Variants in KIF2C observed in about 807,000 individuals in gnomAD.
KIF2C encodes kinesin-like protein KIF2C.
KIF2C carries 34 observed loss-of-function variants against 97.4 expected under a neutral mutation model. That is an observed-to-expected ratio of 0.35 (90% CI 0.27 to 0.46). KIF2C has a LOEUF of 0.46. Among genes scored for constraint, KIF2C ranks in the 20% least tolerant of loss-of-function variants. The pLI, the probability that KIF2C is intolerant of heterozygous loss-of-function variation, is 1.00. For missense variants in KIF2C, 750 were observed against 907.6 expected, an observed-to-expected ratio of 0.83 and a Z score of 2.23; for synonymous variants, 313 against 318.2, an observed-to-expected ratio of 0.98 and a Z score of 0.17.
At chr1:44,754,514 C>T (rs1649710864) in intron 7 of KIF2C, among the ~76,000 whole-genome samples, 1 of 152,158 alleles carries the variant, frequency 6.6e-6, no homozygotes, top group African/African-American at 2.4e-5. Context: ...TGCTGTGCCT[C>T]CTAAAATGTG....
chr1:44,745,660 G>A (rs2148822067), intron 2 of KIF2C, among the ~76,000 whole-genome samples: 1 of 151,214 alleles, frequency 6.6e-6, no homozygotes, highest in South Asian at 2.1e-4. Flanking sequence ...AGTAGAGACG[G>A]GGTTTTTCCA....
At chr1:44,741,046 T>G in intron 2 of KIF2C, 39 bp downstream of exon 2, 4 of 1,461,820 alleles carry the variant, frequency 2.7e-6, no homozygotes, top group Non-Finnish European at 3.8e-6. Flanking sequence ...ATTTAATGTC[T>G]TCCTACATAA....
At chr1:44,743,511 T>G (rs1573549157) in intron 2 of KIF2C, among the ~76,000 whole-genome samples, 1 of 152,168 alleles carries the variant, frequency 6.6e-6, no homozygotes, top group African/African-American at 2.4e-5. Flanking sequence ...AAATAATACA[T>G]GTAGCTGGGC....
Position 44,755,923 on chromosome 1 carries a change from T to C in KIF2C, c.760-6T>C. The C allele has an allele frequency of 6.2e-7, 1 of 1,613,676 alleles. No homozygotes were observed. Among genetic ancestry groups the C allele is most frequent in the East Asian group, 2.2e-5 (1 of 44,882 alleles). On this transcript the variant is annotated splice_region_variant and splice_polypyrimidine_tract_variant and intron_variant, in intron 8 of 20. Transcript: ENST00000372224. ...CTGTTGGTTGCCTCCTCTCATCCGC[T>C]TGCAGATCGAAGAGCACAGAATATG...
chr1:44,746,241 A>G (rs1462591999), intron 2 of KIF2C: 1 of 474,704 alleles, frequency 2.1e-6, no homozygotes, highest in Non-Finnish European at 2.8e-6. Context: ...GCTCTGTCAC[A>G]TTTTGAAATA....
intron 2 of KIF2C, among the ~76,000 whole-genome samples, chr1:44,742,711 TTCG>T (rs1365049565): frequency 7.4e-6 from 1 of 134,930 alleles, no homozygotes; most frequent in African/African-American, 2.6e-5. Flanking sequence ...AGAGTGAAAC[TTCG>T]TCTCAAAAAA....
chr1:44,764,314 T>TA (rs111291453), intron 19 of KIF2C, among the ~76,000 whole-genome samples: 28,992 of 151,826 alleles, frequency 0.19, 2,989 homozygotes, highest in Non-Finnish European at 0.21. Context: ...TACCTGGGAT[T>TA]ACAGGTGCGT....
intron 16 of KIF2C, 141 bp from the exon 17 acceptor site, chr1:44,761,775 G>T: frequency 1.3e-6 from 1 of 761,848 alleles, no homozygotes; most frequent in African/African-American, 1.7e-5. Context: ...GCACAGCGCG[G>T]TGCTAAATGA....
intron 17 of KIF2C, 146 bp from the exon 18 acceptor site, chr1:44,762,200 G>A (rs1474302418): frequency 1.1e-6 from 1 of 901,116 alleles, no homozygotes; most frequent in African/African-American, 1.6e-5. Flanking sequence ...TTCCAGTCCA[G>A]CTTTAGTTTT....
intron 13 of KIF2C, among the ~76,000 whole-genome samples, chr1:44,758,438 C>A (rs1027934625): frequency 6.6e-6 from 1 of 152,130 alleles, no homozygotes; most frequent in African/African-American, 2.4e-5. Context: ...CGATTGTGCA[C>A]GTTCAGTCTC....
chr1:44,763,099 T>G (rs1321592961), intron 19 of KIF2C, among the ~76,000 whole-genome samples: 3 of 152,226 alleles, frequency 2.0e-5, no homozygotes, highest in Non-Finnish European at 4.4e-5. Context: ...GAAATTCATT[T>G]AGCCTCACTG....
At chr1:44,753,702 T>C (rs1649650987) in intron 6 of KIF2C, 31 bp from the exon 7 acceptor site, 1 of 1,507,484 alleles carries the variant, frequency 6.6e-7, no homozygotes, top group Admixed American at 2.0e-5. Context: ...TGGGCTTCCT[T>C]TTTTTTTCTT....
Position 44,758,073 on chromosome 1 carries a change from A to G in KIF2C, c.1157A>G (p.Asn386Ser), listed in dbSNP as rs913694003. The G allele has an allele frequency of 1.9e-6, 3 of 1,614,050 alleles. No individual in the cohort carries two copies. Among genetic ancestry groups the G allele is most frequent in the Non-Finnish European group, 2.5e-6 (3 of 1,180,024 alleles). The change falls in exon 13 of 21, where the codon AAT becomes AGT. Residue 386 changes from asparagine to serine, a missense_variant. Asn to Ser is a conservative substitution (Grantham distance 46). Transcript: ENST00000372224. ...MASRDVFLLK[N>S]QPCYRKLGLE... The stretch of plus-strand genomic sequence containing the variant: ...GCCCGGGACGTCTTCCTCCTGAAGA[A>G]TCAACCCTGCTACCGGAAGTTGGGC...
Position 44,760,728 on chromosome 1 carries a change from T to C in KIF2C, c.1683+26T>C. ...GTGAGTAGGGTCACTTTGAAGGTGA[T>C]GGTACAGGAGGAGACAGAGTTGCTT... On this transcript the variant is annotated intron_variant, in intron 16 of 20. Transcript: ENST00000372224. This position sits in a 1 kb window ranked among gnomAD's most constrained non-coding sequence, Gnocchi z 4.2. 1 of 1,567,934 alleles carries C rather than the reference T, an allele frequency of 6.4e-7. No homozygotes were observed. Among genetic ancestry groups the C allele is most frequent in the South Asian group, 1.1e-5 (1 of 89,894 alleles).
At chr1:44,742,681 T>C (rs767390325) in intron 2 of KIF2C, among the ~76,000 whole-genome samples, 14 of 143,076 alleles carry the variant, frequency 9.8e-5, no homozygotes, top group Non-Finnish European at 1.6e-4. Flanking sequence ...ATCATGCCAC[T>C]GCACTCCAGC....
At chr1:44,748,497 T>A (rs1453896001) in intron 4 of KIF2C, among the ~76,000 whole-genome samples, 2 of 152,156 alleles carry the variant, frequency 1.3e-5, no homozygotes, top group Non-Finnish European at 2.9e-5. Context: ...CTCGCAGCAG[T>A]CCCATTCCGT....
chr1:44,763,649 A>C (rs1312812480), intron 19 of KIF2C, among the ~76,000 whole-genome samples: 1 of 152,116 alleles, frequency 6.6e-6, no homozygotes, highest in Non-Finnish European at 1.5e-5. Context: ...AGAGCTTTAG[A>C]TATATCATAT....
At chr1:44,765,241 T>C (rs1650390247) in intron 19 of KIF2C, among the ~76,000 whole-genome samples, 1 of 151,848 alleles carries the variant, frequency 6.6e-6, no homozygotes, top group Non-Finnish European at 1.5e-5. Flanking sequence ...CTGGGTAACA[T>C]GGCCCCATCT....
chr1:44,744,766 G>C (rs1288757130), intron 2 of KIF2C, among the ~76,000 whole-genome samples: 2 of 152,066 alleles, frequency 1.3e-5, no homozygotes, highest in Non-Finnish European at 2.9e-5. Flanking sequence ...CGGATGTGGT[G>C]GTGCGCACCT....
Sources: allele counts gnomAD v4.1 joint callset (sites outside exome capture counted in the v4.1 genomes callset), GRCh38; gene constraint gnomAD v4.1.1; non-coding constraint Gnocchi (gnomAD v3.1); transcripts MANE v1.5; gene names NCBI Gene and HGNC (gene_info 2026-07-23, HGNC 2026-07-21).